The following ABHD17B variants were observed in gnomAD, a reference collection of about 807,000 sequenced individuals.
ABHD17B encodes the protein alpha/beta hydrolase domain-containing protein 17B.
In ABHD17B, 9 loss-of-function variants were observed where a neutral mutation model predicts 26.2. That is an observed-to-expected ratio of 0.34 (90% confidence interval 0.21 to 0.60). ABHD17B has a LOEUF of 0.60. Ranked by LOEUF, ABHD17B falls within the 20% of genes least tolerant of loss-of-function variation. The pLI, the probability that ABHD17B is intolerant of heterozygous loss-of-function variation, is 0.80. For synonymous variants in ABHD17B, 127 were observed against 122.3 expected, an observed-to-expected ratio of 1.04 and a Z score of -0.25; for missense variants, 224 against 352.1, an observed-to-expected ratio of 0.64 and a Z score of 2.91.
chr9:71,886,063 G>A (rs1306717690), intron 1 of ABHD17B, among the ~76,000 whole-genome samples: 7 of 152,258 alleles, frequency 4.6e-5, no homozygotes, highest in African/African-American at 1.7e-4. Context: ...TAGATTTCAT[G>A]TTAAGAACTA....
intron 1 of ABHD17B, among the ~76,000 whole-genome samples, chr9:71,889,953 G>A (rs1826733708): frequency 6.6e-6 from 1 of 151,820 alleles, no homozygotes; most frequent in African/African-American, 2.4e-5. Flanking sequence ...TTATCACAGT[G>A]TAGCCTCATT....
At chr9:71,898,861 A>T (rs1827045947) in intron 1 of ABHD17B, among the ~76,000 whole-genome samples, 1 of 152,080 alleles carries the variant, frequency 6.6e-6, no homozygotes, top group Non-Finnish European at 1.5e-5. Context: ...GGTGGTGCAC[A>T]CCTGTAGTCC....
At chr9:71,871,433 AAG>A (rs1197460335) in intron 2 of ABHD17B, among the ~76,000 whole-genome samples, 4 of 152,166 alleles carry the variant, frequency 2.6e-5, no homozygotes, top group Non-Finnish European at 4.4e-5. Flanking sequence ...AAACTCAGAA[AAG>A]CTTTTTTCTT....
intron 1 of ABHD17B, among the ~76,000 whole-genome samples, chr9:71,898,187 C>T (rs1827014225): frequency 6.6e-6 from 1 of 152,002 alleles, no homozygotes; most frequent in Non-Finnish European, 1.5e-5. Flanking sequence ...CAGAAGACAG[C>T]AGAGATCAAG....
chr9:71,881,212 G>C (rs149401264), intron 1 of ABHD17B, among the ~76,000 whole-genome samples: 2 of 152,276 alleles, frequency 1.3e-5, no homozygotes, highest in Non-Finnish European at 2.9e-5. Flanking sequence ...GTTGATTTTT[G>C]ACAAGAGTGC....
intron 1 of ABHD17B, among the ~76,000 whole-genome samples, chr9:71,884,634 G>GAA (rs752668193): frequency 2.3e-5 from 3 of 131,546 alleles, no homozygotes; most frequent in African/African-American, 8.4e-5. Flanking sequence ...AGGTTGAAGG[G>GAA]AAAAAAAAAA....
At chr9:71,887,199 C>T (rs905162750) in intron 1 of ABHD17B, among the ~76,000 whole-genome samples, 6 of 151,348 alleles carry the variant, frequency 4.0e-5, no homozygotes, top group Admixed American at 1.3e-4. Flanking sequence ...TGGAGTTAGA[C>T]GAAAAAAGAA....
In ABHD17B at chr9:71,865,732, G is replaced by A. The variant is rs1228679283; in HGVS notation, c.*1055C>T. On this transcript the variant is annotated 3_prime_UTR_variant, in exon 4 of 4. Transcript: ENST00000333421. ...AAAAATTAGCCAGGCGTGGTGGCAAGCATCTGTAATACCAGCTACTCAGGA... is the reference window on the plus strand; with the variant it reads ...AAAAATTAGCCAGGCGTGGTGGCAAACATCTGTAATACCAGCTACTCAGGA... 2 of 580,442 alleles carry A rather than the reference G, an allele frequency of 3.4e-6. No individual in the cohort carries two copies. Among genetic ancestry groups the A allele is most frequent in the East Asian group, 1.4e-4 (1 of 6,974 alleles). 36.0% of individuals were successfully genotyped at this position (580,442 alleles called of 1,614,324 possible). A position where few individuals can be genotyped will look rare whatever the true frequency, so the allele number is the denominator to read the frequency against.
chr9:71,901,175 T>TAA (rs1366655556), intron 1 of ABHD17B, among the ~76,000 whole-genome samples: 526 of 134,876 alleles, frequency 3.9e-3, no homozygotes, highest in African/African-American at 0.014. Flanking sequence ...AAATAAATAA[T>TAA]TTTTTTTTTT....
intron 1 of ABHD17B, among the ~76,000 whole-genome samples, chr9:71,891,999 A>G (rs935548161): frequency 1.3e-5 from 2 of 152,172 alleles, no homozygotes; most frequent in Non-Finnish European, 2.9e-5. Context: ...CATGGCTTTC[A>G]GTTCTAGTTT....
rs1825945226 is a variant in ABHD17B at position 71,865,915 on chromosome 9, T to C, written c.*872A>G. 1 of 985,406 alleles carries C rather than the reference T, an allele frequency of 1.0e-6. No individual in the cohort carries two copies. Among genetic ancestry groups the C allele is most frequent in the Non-Finnish European group, 1.2e-6 (1 of 829,926 alleles). The allele number at this position is 985,406 out of a possible 1,614,324, so 61.0% of individuals were successfully genotyped here. On this transcript the variant is annotated 3_prime_UTR_variant, in exon 4 of 4. Coordinates refer to ENST00000333421, the MANE Select transcript of ABHD17B (RefSeq NM_001025780.3). ...AGGGATCTGATAGCCAGTCTGTTAG[T>C]GGTCTTTAAGATCAACTCATGGACT... is the stretch of plus-strand genomic sequence containing the variant.
intron 2 of ABHD17B, among the ~76,000 whole-genome samples, chr9:71,873,232 T>C (rs1290805692): frequency 6.6e-6 from 1 of 152,102 alleles, no homozygotes; most frequent in Non-Finnish European, 1.5e-5. Flanking sequence ...TGACTAATAA[T>C]ACACTGAAGT....
chr9:71,887,171 C>T (rs1253336205), intron 1 of ABHD17B, among the ~76,000 whole-genome samples: 1 of 152,008 alleles, frequency 6.6e-6, no homozygotes, highest in East Asian at 1.9e-4. Context: ...AGAGTCCTTT[C>T]TCACTGGTGG....
chr9:71,900,334 G>A (rs141392116), intron 1 of ABHD17B, among the ~76,000 whole-genome samples: 12 of 152,188 alleles, frequency 7.9e-5, no homozygotes, highest in Admixed American at 3.9e-4. Flanking sequence ...GTGATTTCCC[G>A]CTTAAAAACT....
downstream of ABHD17B, among the ~76,000 whole-genome samples, chr9:71,864,656 A>G (rs138158573): frequency 4.6e-5 from 7 of 151,808 alleles, no homozygotes; most frequent in East Asian, 1.4e-3. Context: ...CTGAAATACC[A>G]CTTCTCTGGG....
Position 71,883,253 on chromosome 9 carries a change from G to A in ABHD17B, c.-3-8170C>T, listed in dbSNP as rs200233110. Among the ~76,000 whole-genome samples the A allele has an allele frequency of 4.6e-4, 70 of 152,250 alleles. No homozygotes were observed. The East Asian group carries it at 0.012, about 26-fold the overall frequency. ...CCAGAAAATGTCTATAAAGAGCAAA[G>A]GTATATACATGTATTTGTGGGGTAG... On this transcript the variant is annotated intron_variant, in intron 1 of 3. Transcript: ENST00000333421.
chr9:71,890,832 T>C (rs1251303710), intron 1 of ABHD17B, among the ~76,000 whole-genome samples: 1 of 152,188 alleles, frequency 6.6e-6, no homozygotes, highest in Non-Finnish European at 1.5e-5. Flanking sequence ...ACAAAATCCA[T>C]GTTGTTCTTA....
rs1180729763 is a variant in ABHD17B, at chr9:71,894,087, C to CAAA, written c.-4+16544_-4+16546dup. Among the ~76,000 whole-genome samples the CAAA allele has an allele frequency of 6.5e-4, 34 of 52,324 alleles. 3 individuals carry two copies. Among genetic ancestry groups the CAAA allele is most frequent in the African/African-American group, 2.8e-3 (33 of 11,630 alleles). The allele number at this position is 52,324 out of a possible 152,430, so 34.3% of individuals were successfully genotyped here. A position where few individuals can be genotyped will look rare whatever the true frequency, so the allele number is the denominator to read the frequency against. On this transcript the variant is annotated intron_variant, in intron 1 of 3. Transcript: ENST00000333421. Reference sequence around the variant, plus strand: ...TGGGCGACAGAGCGAGACTCTATCTCAAAAAAAAAAAAAAAAAAAAAAAAA... The same window carrying CAAA: ...TGGGCGACAGAGCGAGACTCTATCTCAAAAAAAAAAAAAAAAAAAAAAAAAAAA...
At chr9:71,869,715 T>C (rs1235397592) in intron 3 of ABHD17B, among the ~76,000 whole-genome samples, 1 of 152,190 alleles carries the variant, frequency 6.6e-6, no homozygotes, top group Non-Finnish European at 1.5e-5. Context: ...CCCTATCCAT[T>C]AGCACCTCAG....
Sources: gnomAD v4.1 joint callset for allele counts (sites outside exome capture counted in the v4.1 genomes callset) on GRCh38, gnomAD v4.1.1 for gene constraint, MANE v1.5 for transcripts, NCBI Gene and HGNC (gene_info 2026-07-23, HGNC 2026-07-21) for gene names.